LYRM4: variants seen among roughly 807,000 people sequenced by gnomAD.
LYRM4 encodes LYR motif-containing protein 4.
LYRM4 carries 9 observed loss-of-function variants against 11.7 expected under a neutral mutation model. The ratio of observed to expected loss-of-function variants is 0.77; its 90% CI spans 0.46 to 1.34. The LOEUF (loss-of-function observed/expected upper bound fraction) is 1.34. Ranked by LOEUF, LYRM4 falls within the 40% of genes most tolerant of loss-of-function variation. The pLI, the probability that LYRM4 is intolerant of heterozygous loss-of-function variation, is 0.00. For missense variants in LYRM4, 133 were observed against 112.5 expected (o/e 1.18, Z -0.82); for synonymous variants, 42 against 40.4 (o/e 1.04, Z -0.15).
At chr6:5,168,560 G>C (rs1475691089) in intron 2 of LYRM4, among the ~76,000 whole-genome samples, 3 of 152,130 alleles carry the variant, frequency 2.0e-5, no homozygotes, top group African/African-American at 7.2e-5. Flanking sequence ...AAAAACAGGA[G>C]AAAGTGGGGG....
chr6:5,188,951 G>T (rs1760586720), intron 2 of LYRM4, among the ~76,000 whole-genome samples: 1 of 152,048 alleles, frequency 6.6e-6, no homozygotes, highest in South Asian at 2.1e-4. Flanking sequence ...GTAGAGACAG[G>T]GGTTTCACCA....
At chr6:5,209,039 A>G (rs1396187952) in intron 2 of LYRM4, among the ~76,000 whole-genome samples, 1 of 152,174 alleles carries the variant, frequency 6.6e-6, no homozygotes, top group Non-Finnish European at 1.5e-5. Context: ...ATTGAAGTCC[A>G]AGACAGAGTA....
chr6:5,234,633 A>G (rs1231335932), intron 1 of LYRM4, among the ~76,000 whole-genome samples: 1 of 152,248 alleles, frequency 6.6e-6, no homozygotes, highest in African/African-American at 2.4e-5. Flanking sequence ...TAATAAATAT[A>G]GAATTCAAAA....
the LYRM4 span, among the ~76,000 whole-genome samples, chr6:5,051,252 G>A: frequency 1.3e-5 from 2 of 152,294 alleles, no homozygotes; most frequent in Non-Finnish European, 2.9e-5. Context: ...AAGGGGCAAA[G>A]AGATTATTTG....
At chr6:5,077,317 T>C in the LYRM4 span, among the ~76,000 whole-genome samples, 3 of 152,328 alleles carry the variant, frequency 2.0e-5, no homozygotes, top group Middle Eastern at 3.4e-3. Flanking sequence ...AACCTTTTAG[T>C]TCTGCCTCAC....
chr6:5,252,827 AGAG>A (rs1374092643), intron 1 of LYRM4, among the ~76,000 whole-genome samples: 1 of 151,222 alleles, frequency 6.6e-6, no homozygotes, highest in Non-Finnish European at 1.5e-5. Flanking sequence ...CATAAGCATG[AGAG>A]GAACACCGAG....
chr6:5,117,722 G>C lies in LYRM4; in HGVS notation c.208-8231C>G, dbSNP rs566755532. Among the ~76,000 whole-genome samples, 21 of 152,144 alleles carry C rather than the reference G, an allele frequency of 1.4e-4. No individual in the cohort carries two copies. In the South Asian group the frequency reaches 4.0e-3, roughly 29 times the overall value. On this transcript the variant is annotated intron_variant, in intron 2 of 2. Transcript: ENST00000330636. ...TGTTTTCCCTGCCAGATGTGGTAGG[G>C]AAACCCACCTTGGTACACAACTGTA...
At chr6:5,187,203 T>C (rs56369933) in intron 2 of LYRM4, among the ~76,000 whole-genome samples, 2,582 of 152,248 alleles carry the variant, frequency 0.017, 30 homozygotes, top group Non-Finnish European at 0.025. Flanking sequence ...GGTGAAAATA[T>C]GTGATCTTCT....
the LYRM4 span, among the ~76,000 whole-genome samples, chr6:5,098,112 C>T: frequency 1.3e-5 from 2 of 152,346 alleles, no homozygotes; most frequent in African/African-American, 2.4e-5. Context: ...GGGTGCACCA[C>T]TGCACCCAGC....
At chr6:5,171,621 C>T (rs191820920) in intron 2 of LYRM4, among the ~76,000 whole-genome samples, 106 of 152,246 alleles carry the variant, frequency 7.0e-4, no homozygotes, top group South Asian at 8.3e-4. Context: ...ATATAAGAAT[C>T]GATAAGCAGT....
chr6:5,174,795 C>T (rs1759626537), intron 2 of LYRM4, among the ~76,000 whole-genome samples: 1 of 152,048 alleles, frequency 6.6e-6, no homozygotes, highest in African/African-American at 2.4e-5. Flanking sequence ...TGTTGTCATG[C>T]TTAGGACAAG....
chr6:5,084,303 C>T, the LYRM4 span, among the ~76,000 whole-genome samples: 1 of 152,240 alleles, frequency 6.6e-6, no homozygotes, highest in African/African-American at 2.4e-5. Context: ...CCCCACCCCT[C>T]CCCGGCCTCA....
At chr6:5,216,928 G>C (rs1248232344) in intron 1 of LYRM4, among the ~76,000 whole-genome samples, 190 bp from the exon 2 acceptor site, 1 of 152,220 alleles carries the variant, frequency 6.6e-6, no homozygotes, top group Non-Finnish European at 1.5e-5. Flanking sequence ...ACAGATTTAG[G>C]AAAATAAATC....
chr6:5,049,110 G>A, the LYRM4 span, among the ~76,000 whole-genome samples: 1 of 152,132 alleles, frequency 6.6e-6, no homozygotes, highest in Non-Finnish European at 1.5e-5. Flanking sequence ...AGCAGAATGA[G>A]GTAGTAAAGG....
At chr6:5,071,450 G>A in the LYRM4 span, among the ~76,000 whole-genome samples, 1,054 of 152,160 alleles carry the variant, frequency 6.9e-3, 20 homozygotes, top group African/African-American at 0.024. Context: ...GCAGGGCTGG[G>A]ACTCCGGTGG....
chr6:5,109,541 T>C (rs1488261252), intron 2 of LYRM4, 50 bp from the exon 3 acceptor site: 2 of 1,549,304 alleles, frequency 1.3e-6, no homozygotes, highest in East Asian at 4.5e-5. Flanking sequence ...CTCTAGCCCC[T>C]GGGAAAGGCC....
At chr6:5,037,836 C>T in the LYRM4 span, among the ~76,000 whole-genome samples, 2 of 57,964 alleles carry the variant, frequency 3.5e-5, no homozygotes, top group Non-Finnish European at 8.3e-5. Flanking sequence ...TCCCCCCTCC[C>T]GGACGGGGCG....
intron 2 of LYRM4, among the ~76,000 whole-genome samples, chr6:5,125,569 G>C (rs1389337104): frequency 6.6e-6 from 1 of 152,216 alleles, no homozygotes; most frequent in Non-Finnish European, 1.5e-5. Context: ...TGGCAGAAGA[G>C]GAACAAGAAT....
At chr6:5,240,167 A>G (rs1763793226) in intron 1 of LYRM4, among the ~76,000 whole-genome samples, 1 of 152,092 alleles carries the variant, frequency 6.6e-6, no homozygotes, top group Non-Finnish European at 1.5e-5. Flanking sequence ...CTCTCCTTAC[A>G]GTACATCCAA....
Sources: allele counts gnomAD v4.1 joint callset (sites outside exome capture counted in the v4.1 genomes callset), GRCh38; gene constraint gnomAD v4.1.1; transcripts MANE v1.5; gene names NCBI Gene and HGNC (gene_info 2026-07-23, HGNC 2026-07-21).